Variants in CAST observed in about 807,000 individuals in gnomAD.
CAST encodes the protein calpastatin.
A neutral mutation model predicts 119.6 loss-of-function variants in CAST; 76 were observed. That is an observed-to-expected ratio of 0.64 (90% CI 0.53 to 0.77). The LOEUF is 0.77. CAST is among the 30% of genes least tolerant of loss of function. CAST has a pLI of 0.00. For synonymous variants in CAST, 319 were observed against 331.6 expected, an observed-to-expected ratio of 0.96 and a Z score of 0.41; for missense variants, 953 against 946.5, an observed-to-expected ratio of 1.01 and a Z score of -0.09.
At chr5:96,250,244 TA>T in the CAST span, among the ~76,000 whole-genome samples, 4 of 152,112 alleles carry the variant, frequency 2.6e-5, no homozygotes, top group Non-Finnish European at 4.4e-5. Flanking sequence ...AGGCTTTATA[TA>T]AAAAAGGGTG....
chr5:96,274,324 A>G, the CAST span, among the ~76,000 whole-genome samples: 145 of 151,690 alleles, frequency 9.6e-4, no homozygotes, highest in Middle Eastern at 3.4e-3. Context: ...GGATGGTCTC[A>G]ATCTCCTGAC....
chr5:96,462,694 G>A, the CAST span, among the ~76,000 whole-genome samples: 1 of 152,074 alleles, frequency 6.6e-6, no homozygotes, highest in African/African-American at 2.4e-5. Flanking sequence ...AGATGATATG[G>A]TTTGGCTCTG....
In CAST at chr5:96,703,649, G is replaced by A. The variant is rs116104761; in HGVS notation, c.210+7742G>A. On this transcript the variant is annotated intron_variant, in intron 3 of 31. Transcript: ENST00000675179. The stretch of plus-strand genomic sequence containing the variant: ...TTGTACAGCTTCAGAAAATGAGGCA[G>A]AGAGTTTAGACAGCTTCCCTAAGGA... Among the ~76,000 whole-genome samples the A allele has an allele frequency of 2.8e-3, 423 of 152,300 alleles. 2 individuals carry two copies. The highest frequency in any genetic ancestry group is 9.9e-3 in the African/African-American group (413 of 41,576).
At chr5:96,399,941 G>A in the CAST span, 1 of 1,591,994 alleles carries the variant, frequency 6.3e-7, no homozygotes, top group Non-Finnish European at 8.6e-7. Flanking sequence ...TAAAATTCCA[G>A]GAGATACTTA....
chr5:96,389,690 C>G, the CAST span, among the ~76,000 whole-genome samples: 29 of 152,260 alleles, frequency 1.9e-4, no homozygotes, highest in Middle Eastern at 3.4e-3. Flanking sequence ...AATCCCAGCA[C>G]TTTGGGAGGC....
At chr5:96,473,427 C>G in the CAST span, among the ~76,000 whole-genome samples, 1 of 152,314 alleles carries the variant, frequency 6.6e-6, no homozygotes, top group East Asian at 1.9e-4. Context: ...CATTACATAA[C>G]AAGAAATTGG....
At chr5:96,026,226 CAGTT>C in the CAST span, among the ~76,000 whole-genome samples, 1 of 152,086 alleles carries the variant, frequency 6.6e-6, no homozygotes, top group Non-Finnish European at 1.5e-5. Context: ...TTAAATCAAT[CAGTT>C]AGTCAATCAG....
the CAST span, among the ~76,000 whole-genome samples, chr5:96,383,116 G>A: frequency 6.6e-6 from 1 of 152,254 alleles, no homozygotes; most frequent in Non-Finnish European, 1.5e-5. Context: ...GTTGCCTTGT[G>A]ATAAACACTA....
At chr5:96,445,658 G>T in the CAST span, among the ~76,000 whole-genome samples, 1 of 152,086 alleles carries the variant, frequency 6.6e-6, no homozygotes, top group Admixed American at 6.5e-5. Flanking sequence ...GAATTCTTAA[G>T]TTCCCAGTCA....
chr5:96,703,710 C>T (rs1046529889), intron 3 of CAST, among the ~76,000 whole-genome samples: 1 of 152,120 alleles, frequency 6.6e-6, no homozygotes, highest in African/African-American at 2.4e-5. Context: ...TTCTAGGAAA[C>T]CACCTATGCA....
At chr5:96,419,384 T>TTATA in the CAST span, among the ~76,000 whole-genome samples, 1 of 144,098 alleles carries the variant, frequency 6.9e-6, no homozygotes, top group Admixed American at 7.0e-5. Context: ...ATAATACTTA[T>TTATA]TATATATATA....
the CAST span, among the ~76,000 whole-genome samples, chr5:96,485,059 G>A: frequency 6.6e-6 from 1 of 152,174 alleles, no homozygotes; most frequent in African/African-American, 2.4e-5. Context: ...TGGGGTAAAT[G>A]CATGGAGTAA....
intron 3 of CAST, among the ~76,000 whole-genome samples, chr5:96,703,143 C>T (rs1754214895): frequency 6.6e-6 from 1 of 152,210 alleles, no homozygotes; most frequent in South Asian, 2.1e-4. Context: ...ACTGTTACTG[C>T]CCCTTCCGCC....
chr5:96,014,461 C>T, the CAST span, among the ~76,000 whole-genome samples: 169 of 152,204 alleles, frequency 1.1e-3, no homozygotes, highest in African/African-American at 3.9e-3. Context: ...AACATAGTCA[C>T]TTATTATCAT....
chr5:96,240,402 C>T, the CAST span, among the ~76,000 whole-genome samples: 164 of 152,276 alleles, frequency 1.1e-3, no homozygotes, highest in Non-Finnish European at 1.5e-3. Context: ...GCTGGGCAAG[C>T]GTCCGATTTC....
At chr5:96,424,111 A>T in the CAST span, among the ~76,000 whole-genome samples, 1 of 152,208 alleles carries the variant, frequency 6.6e-6, no homozygotes, top group Non-Finnish European at 1.5e-5. Context: ...TAGCAAGGGA[A>T]CACAGATATA....
chr5:96,688,724 T>A (rs1373384600), intron 2 of CAST, among the ~76,000 whole-genome samples: 1 of 152,228 alleles, frequency 6.6e-6, no homozygotes, highest in East Asian at 1.9e-4. Context: ...GATGACAGGA[T>A]TTTAAGTAAT....
chr5:96,463,415 C>T, the CAST span, among the ~76,000 whole-genome samples: 1 of 152,118 alleles, frequency 6.6e-6, no homozygotes, highest in Admixed American at 6.5e-5. Flanking sequence ...TCAAAGTTAA[C>T]TTTGAGAGCA....
At chr5:96,041,286 G>A in the CAST span, among the ~76,000 whole-genome samples, 43 of 151,932 alleles carry the variant, frequency 2.8e-4, no homozygotes, top group African/African-American at 1.0e-3. Context: ...TATTTTTATG[G>A]TCCTCCTCCC....
Sources: gnomAD v4.1 joint callset for allele counts (sites outside exome capture counted in the v4.1 genomes callset) on GRCh38, gnomAD v4.1.1 for gene constraint, MANE v1.5 for transcripts, NCBI Gene and HGNC (gene_info 2026-07-23, HGNC 2026-07-21) for gene names.